DYM: variants seen among roughly 807,000 people sequenced by gnomAD.
DYM encodes dyggve-Melchior-Clausen syndrome protein.
In DYM, 78 loss-of-function variants were observed where a neutral mutation model predicts 93.1. That is an observed-to-expected ratio of 0.84 (90% CI 0.70 to 1.01). The LOEUF (loss-of-function observed/expected upper bound fraction) is 1.01. DYM is among the 50% of genes least tolerant of loss of function. DYM has a pLI of 0.00. For synonymous variants in DYM, 321 were observed against 319.7 expected (o/e 1.00, Z -0.04); for missense variants, 789 against 845.0 (o/e 0.93, Z 0.82).
intron 1 of DYM, among the ~76,000 whole-genome samples, chr18:49,441,293 ATAT>A (rs1437478709): frequency 5.5e-5 from 2 of 36,476 alleles, no homozygotes; most frequent in Non-Finnish European, 8.8e-5. Context: ...ATTATATATA[ATAT>A]AATTATATAT....
intron 16 of DYM, among the ~76,000 whole-genome samples, chr18:49,101,232 G>A (rs146158258): frequency 6.6e-6 from 1 of 152,274 alleles, no homozygotes; most frequent in African/African-American, 2.4e-5. Context: ...AAAACCTTTA[G>A]TGAAAGTGGG....
At chr18:49,114,924 T>C (rs983242387) in intron 16 of DYM, among the ~76,000 whole-genome samples, 2 of 152,258 alleles carry the variant, frequency 1.3e-5, no homozygotes, top group South Asian at 2.1e-4. Context: ...TATGATCAGA[T>C]GGTTTCATAG....
intron 14 of DYM, among the ~76,000 whole-genome samples, chr18:49,201,183 G>C (rs1236030722): frequency 1.3e-5 from 2 of 151,824 alleles, no homozygotes. Context: ...CCACACAAAT[G>C]ATACATACTA....
intron 3 of DYM, among the ~76,000 whole-genome samples, chr18:49,380,868 A>G (rs2067982606): frequency 6.6e-6 from 1 of 152,252 alleles, no homozygotes; most frequent in African/African-American, 2.4e-5. Flanking sequence ...GTCCTGGATA[A>G]TTGTTTCTCT....
At chr18:49,113,747 A>G (rs1057333437) in intron 16 of DYM, among the ~76,000 whole-genome samples, 1 of 152,228 alleles carries the variant, frequency 6.6e-6, no homozygotes, top group Non-Finnish European at 1.5e-5. Flanking sequence ...AAAGTACTGA[A>G]AAAGGCACAC....
chr18:49,363,944 G>A (rs946902627), intron 5 of DYM, among the ~76,000 whole-genome samples: 4 of 152,164 alleles, frequency 2.6e-5, no homozygotes, highest in Non-Finnish European at 4.4e-5. Context: ...GGACATTACT[G>A]ACACCTACTC....
intron 9 of DYM, among the ~76,000 whole-genome samples, 192 bp downstream of exon 9, chr18:49,286,242 T>C (rs946168544): frequency 2.6e-5 from 4 of 152,126 alleles, no homozygotes; most frequent in Non-Finnish European, 5.9e-5. Flanking sequence ...TAAACAGATA[T>C]AAAGGATCAG....
intron 8 of DYM, among the ~76,000 whole-genome samples, chr18:49,310,102 A>G (rs2061501551): frequency 6.6e-6 from 1 of 152,250 alleles, no homozygotes; most frequent in African/African-American, 2.4e-5. Context: ...ATATACTATG[A>G]TTGTTTAAGA....
chr18:49,388,225 G>A (rs1056135971), intron 3 of DYM, among the ~76,000 whole-genome samples: 3 of 152,078 alleles, frequency 2.0e-5, no homozygotes, highest in African/African-American at 7.2e-5. Context: ...AGCTACTCAG[G>A]AGGCTGAAGT....
chr18:49,046,980 T>G (rs2071673753), intron 17 of DYM, among the ~76,000 whole-genome samples: 1 of 152,168 alleles, frequency 6.6e-6, no homozygotes, highest in Admixed American at 6.5e-5. Context: ...TCTTCAGAGT[T>G]CCAGAATGAT....
At chr18:49,143,708 A>C (rs1422370838) in intron 15 of DYM, among the ~76,000 whole-genome samples, 2 of 152,182 alleles carry the variant, frequency 1.3e-5, no homozygotes, top group Non-Finnish European at 2.9e-5. Context: ...TATACAGTTC[A>C]GTGACGCCAA....
At chr18:49,150,823 C>T (rs1356654007) in intron 15 of DYM, among the ~76,000 whole-genome samples, 1 of 152,290 alleles carries the variant, frequency 6.6e-6, no homozygotes, top group Admixed American at 6.5e-5. Flanking sequence ...GGAGAGATTA[C>T]AGGTGACTCA....
In DYM at chr18:49,097,525, A is replaced by G. The variant is rs1222884951; in HGVS notation, c.1912-10T>C. 3 of 1,611,474 alleles carry G rather than the reference A, an allele frequency of 1.9e-6. No homozygotes were observed. The highest frequency in any genetic ancestry group is 4.5e-5 in the East Asian group (2 of 44,866). ...TAAAGAAGGAGATCACCTGTAATGTAAAGTGTTATTTTTTAAACAAGAAGA... is the reference window on the plus strand; with the variant it reads ...TAAAGAAGGAGATCACCTGTAATGTGAAGTGTTATTTTTTAAACAAGAAGA... On this transcript the variant is annotated splice_polypyrimidine_tract_variant and intron_variant, in intron 16 of 17. Coordinates refer to ENST00000675505, the MANE Select transcript of DYM (RefSeq NM_001353214.3).
At chr18:49,135,125 TA>T (rs1009844548) in intron 15 of DYM, among the ~76,000 whole-genome samples, 5 of 151,488 alleles carry the variant, frequency 3.3e-5, no homozygotes, top group Admixed American at 2.6e-4. Context: ...AAACAAAACA[TA>T]AAAAAACCAC....
At chr18:49,168,704 A>G (rs1398940934) in intron 14 of DYM, among the ~76,000 whole-genome samples, 3 of 151,946 alleles carry the variant, frequency 2.0e-5, no homozygotes, top group African/African-American at 7.3e-5. Context: ...TGGGATGAGA[A>G]AAAAAAAATT....
At position 49,367,637 on chromosome 18, in the gene DYM, T is replaced by C. The variant is rs1010664869; in HGVS notation, c.422-4404A>G. 1.1e-4 allele frequency among the ~76,000 whole-genome samples: 17 copies of C among 152,234 alleles called. No homozygotes were observed. The East Asian group carries it at 3.3e-3, about 29-fold the overall frequency. On this transcript the variant is annotated intron_variant, in intron 5 of 17. Transcript: ENST00000675505. ...ACAAAGCAACCAGAAAAATGAAACA[T>C]ATGGATTTAAATCAGAATACATACA...
At chr18:49,105,185 T>G (rs191983609) in intron 16 of DYM, among the ~76,000 whole-genome samples, 1 of 152,372 alleles carries the variant, frequency 6.6e-6, no homozygotes, top group Admixed American at 6.5e-5. Flanking sequence ...ATTTTCTAGT[T>G]TATTTGCGTA....
chr18:49,196,535 G>A (rs575536681), intron 14 of DYM, among the ~76,000 whole-genome samples: 5 of 152,086 alleles, frequency 3.3e-5, no homozygotes, highest in South Asian at 2.1e-4. Context: ...GAGAGAGTGC[G>A]AGGGGTGGTG....
chr18:49,287,668 C>A (rs370089602), intron 8 of DYM, among the ~76,000 whole-genome samples: 12 of 151,902 alleles, frequency 7.9e-5, no homozygotes, highest in Admixed American at 2.0e-4. Flanking sequence ...CATGGAGAAA[C>A]CCTGTCTCTA....
Sources: gnomAD v4.1 joint callset for allele counts (sites outside exome capture counted in the v4.1 genomes callset) on GRCh38, gnomAD v4.1.1 for gene constraint, MANE v1.5 for transcripts, NCBI Gene and HGNC (gene_info 2026-07-23, HGNC 2026-07-21) for gene names.